GPR78: variants seen among roughly 807,000 people sequenced by gnomAD.
GPR78 encodes the protein G protein-coupled receptor 78.
In GPR78, 29 loss-of-function variants were observed where a neutral mutation model predicts 17.9. That is an observed-to-expected ratio of 1.62 (90% CI 1.20 to 2.21). GPR78 has a LOEUF of 2.21. Among genes scored for constraint, GPR78 ranks in the 30% most tolerant of loss-of-function variants. GPR78 has a pLI of 0.00. For missense variants in GPR78, 649 were observed against 530.5 expected (o/e 1.22, Z -2.19); for synonymous variants, 349 against 256.9 (o/e 1.36, Z -3.43).
chr4:8,587,825 C>A lies in GPR78; in HGVS notation c.*462C>A. 1 of 174,078 alleles carries A rather than the reference C, an allele frequency of 5.7e-6. No homozygotes were observed. Among genetic ancestry groups the A allele is most frequent in the Non-Finnish European group, 1.2e-5 (1 of 81,332 alleles). 10.8% of individuals were successfully genotyped at this position (174,078 alleles called of 1,614,324 possible). A position where few individuals can be genotyped will look rare whatever the true frequency, so the allele number is the denominator to read the frequency against. On this transcript the variant is annotated 3_prime_UTR_variant, in exon 3 of 3. Coordinates refer to ENST00000382487, the MANE Select transcript of GPR78 (RefSeq NM_080819.5). Reference sequence around the variant, plus strand: ...TATTAGCATTGTTCCGATTTGTTCTCGGCATTGCCCAGGTTTGGGAGATAA... The same window carrying A: ...TATTAGCATTGTTCCGATTTGTTCTAGGCATTGCCCAGGTTTGGGAGATAA...
Position 8,587,491 on chromosome 4 carries a change from C to A in GPR78, c.*128C>A. The A allele has an allele frequency of 1.1e-6, 1 of 897,820 alleles. No homozygotes were observed. The highest frequency in any genetic ancestry group is 1.7e-6 in the Non-Finnish European group (1 of 592,730). The allele number at this position is 897,820 out of a possible 1,614,324, so 55.6% of individuals were successfully genotyped here. On this transcript the variant is annotated 3_prime_UTR_variant, in exon 3 of 3. Coordinates refer to ENST00000382487, the MANE Select transcript of GPR78 (RefSeq NM_080819.5). ...TTGACTTTGAGCTAAGGCTGAAGTACAGGAGGAGGAGGAGGAGAGGGCCGG... is the reference window on the plus strand; with the variant it reads ...TTGACTTTGAGCTAAGGCTGAAGTAAAGGAGGAGGAGGAGGAGAGGGCCGG...
chr4:8,586,409 C>T (rs11734351), intron 2 of GPR78, among the ~76,000 whole-genome samples: 106,821 of 151,934 alleles, frequency 0.7, 40,978 homozygotes, highest in Non-Finnish European at 0.86. Flanking sequence ...AGTGATGCTT[C>T]GGGACAGTGG....
In GPR78 at chr4:8,581,371, C is replaced by T. The variant is rs1371080991; in HGVS notation, c.389C>T (p.Ala130Val). 1.3e-6 allele frequency: 2 copies of T among 1,582,124 alleles called. No individual in the cohort carries two copies. The highest frequency in any genetic ancestry group is 2.3e-5 in the East Asian group (1 of 44,400). ...TATGCCGGCCTGCTGCTGGGCTGTG[C>T]CTGGGGACAGTCGCTGGCCTTCTCA... ...PRYAGLLLGC[A>V]WGQSLAFSGA... is the part of the protein sequence containing the mutation. The change falls in exon 1 of 3, where the codon GCC (alanine) becomes GTC (valine). Residue 130 changes from alanine (A) to valine (V), a missense_variant. By Grantham distance (64) the Ala-to-Val change is moderately conservative. Coordinates refer to ENST00000382487, the MANE Select transcript of GPR78 (RefSeq NM_080819.5).
At chr4:8,586,986 C>T in intron 2 of GPR78, 68 bp from the exon 3 acceptor site, 3 of 1,380,890 alleles carry the variant, frequency 2.2e-6, no homozygotes, top group Admixed American at 1.7e-5. Flanking sequence ...TAGCACCTTC[C>T]CCCGGAGCGT....
chr4:8,581,988 C>T (rs1560280991), intron 1 of GPR78, among the ~76,000 whole-genome samples: 2 of 152,180 alleles, frequency 1.3e-5, no homozygotes, highest in African/African-American at 4.8e-5. Flanking sequence ...CTGCTTGTTT[C>T]TGCCCACTGC....
intron 2 of GPR78, among the ~76,000 whole-genome samples, chr4:8,584,955 A>C (rs192431949): frequency 1.3e-5 from 2 of 152,248 alleles, no homozygotes; most frequent in Admixed American, 1.3e-4. Context: ...TAGAAGGTGA[A>C]TTTAATCTGG....
In GPR78 at chr4:8,589,744, A is replaced by C. The variant is rs1713678171; in HGVS notation, c.*2381A>C. On this transcript the variant is annotated 3_prime_UTR_variant, in exon 3 of 3. Coordinates refer to ENST00000382487, the MANE Select transcript of GPR78 (RefSeq NM_080819.5). ...GCTGGAAGGCACCATGGTTAGAGGGAGGCACACTGTTTCTTAGAGACGGGG... is the reference window on the plus strand; with the variant it reads ...GCTGGAAGGCACCATGGTTAGAGGGCGGCACACTGTTTCTTAGAGACGGGG... 6.6e-6 allele frequency among the ~76,000 whole-genome samples: 1 copy of C among 152,158 alleles called. No individual in the cohort carries two copies. The highest frequency in any genetic ancestry group is 1.5e-5 in the Non-Finnish European group (1 of 68,020).
rs770041034 is a variant in GPR78 at position 8,581,097 on chromosome 4, C to G, written c.115C>G (p.Arg39Gly). The G allele has an allele frequency of 8.1e-6, 13 of 1,605,988 alleles. No homozygotes were observed. Among genetic ancestry groups the G allele is most frequent in the Non-Finnish European group, 1.0e-5 (12 of 1,179,478 alleles). Residue 39 changes from arginine (R) to glycine (G), a missense_variant, in exon 1 of 3, where the codon CGA (arginine) becomes GGA (glycine). By Grantham distance (125) the Arg-to-Gly change is moderately radical. Coordinates refer to ENST00000382487, the MANE Select transcript of GPR78 (RefSeq NM_080819.5). The part of the protein sequence containing the change: ...CCAYSAELRT[R>G]ASGVLLVNLS... The stretch of plus-strand genomic sequence containing the variant: ...CGCCTACAGCGCTGAGCTCCGCACT[C>G]GAGCCTCAGGCGTCCTCCTGGTGAA...
Position 8,587,241 on chromosome 4 carries a change from G to T in GPR78, c.970G>T (p.Asp324Tyr), listed in dbSNP as rs867075881. Residue 324 changes from aspartate (D) to tyrosine (Y), a missense_variant, in exon 3 of 3, where the codon GAC (aspartate) becomes TAC (tyrosine). Transcript: ENST00000382487. ...AACCCCGCGCCCAGCATCCACCCAT[G>T]ACAGCTCTCTGGATGTGGCCGGCAT... ...KRTPRPASTH[D>Y]SSLDVAGMVH... 1 of 1,605,966 alleles carries T rather than the reference G, an allele frequency of 6.2e-7. No homozygotes were observed. Among genetic ancestry groups the T allele is most frequent in the Non-Finnish European group, 8.5e-7 (1 of 1,174,662 alleles).
Position 8,588,136 on chromosome 4 carries a change from C to T in GPR78, c.*773C>T, listed in dbSNP as rs1331778244. ...GTGAAGATATCATCAGAGCATGTGA[C>T]CTCTGTTTCCTCCCCCTGAAGGCCA... On this transcript the variant is annotated 3_prime_UTR_variant, in exon 3 of 3. Coordinates refer to ENST00000382487, the MANE Select transcript of GPR78 (RefSeq NM_080819.5). 1.3e-5 allele frequency among the ~76,000 whole-genome samples: 2 copies of T among 152,216 alleles called. No homozygotes were observed. The highest frequency in any genetic ancestry group is 4.8e-5 in the African/African-American group (2 of 41,448).
rs1334032465 is a variant in GPR78 at position 8,580,950 on chromosome 4, G to A, written c.-33G>A. ...GCTCGCGCCCGAAGCAGAGCCATGA[G>A]AACCCCAGGGTGCCTGGCGAGCCGC... On this transcript the variant is annotated 5_prime_UTR_variant, in exon 1 of 3. Coordinates refer to ENST00000382487, the MANE Select transcript of GPR78 (RefSeq NM_080819.5). 2.0e-6 allele frequency: 3 copies of A among 1,499,462 alleles called. No individual in the cohort carries two copies. The highest frequency in any genetic ancestry group is 2.6e-5 in the South Asian group (2 of 76,482). 92.9% of individuals were successfully genotyped at this position (1,499,462 alleles called of 1,614,324 possible).
rs917912543 is a variant in GPR78, at chr4:8,587,371, G to A, written c.*8G>A. On this transcript the variant is annotated 3_prime_UTR_variant, in exon 3 of 3. Transcript: ENST00000382487. Reference sequence around the variant, plus strand: ...CTGCAGCAGACACACTGAGGGCCTGGCAGGGCTCATCGCCCCCACCTTCTA... The same window carrying A: ...CTGCAGCAGACACACTGAGGGCCTGACAGGGCTCATCGCCCCCACCTTCTA... The A allele has an allele frequency of 6.2e-7, 1 of 1,608,380 alleles. No individual in the cohort carries two copies. Among genetic ancestry groups the A allele is most frequent in the African/African-American group, 1.3e-5 (1 of 74,856 alleles).
chr4:8,581,706 G>A, intron 1 of GPR78, 56 bp downstream of exon 1: 1 of 1,346,984 alleles, frequency 7.4e-7, no homozygotes. Context: ...CGCTCCCTGG[G>A]CAGTTGGCTT....
rs1201898315 is a variant in GPR78, at chr4:8,589,111, T to C, written c.*1748T>C. Reference sequence around the variant, plus strand: ...GTCTTGAATTCCTGAGCTTAAGTGATCCTCCCACCTCAGCCTCCCAAAGTG... The same window carrying C: ...GTCTTGAATTCCTGAGCTTAAGTGACCCTCCCACCTCAGCCTCCCAAAGTG... On this transcript the variant is annotated 3_prime_UTR_variant, in exon 3 of 3. Transcript: ENST00000382487. Among the ~76,000 whole-genome samples, 1 of 151,772 alleles carries C rather than the reference T, an allele frequency of 6.6e-6. No homozygotes were observed. Among genetic ancestry groups the C allele is most frequent in the Admixed American group, 6.6e-5 (1 of 15,246 alleles).
rs1265016102 is a variant in GPR78, at chr4:8,588,402, CA to C, written c.*1040del. Among the ~76,000 whole-genome samples, 5 of 152,252 alleles carry C rather than the reference CA, an allele frequency of 3.3e-5. No homozygotes were observed. The highest frequency in any genetic ancestry group is 1.2e-4 in the African/African-American group (5 of 41,474). ...CACCATCAATGTCATTGAATGTCCC[CA>C]TGGGACAGTGTTGAGGACTTTTGTG... On this transcript the variant is annotated 3_prime_UTR_variant, in exon 3 of 3. Coordinates refer to ENST00000382487, the MANE Select transcript of GPR78 (RefSeq NM_080819.5).
At position 8,581,338 on chromosome 4, in the gene GPR78, G is replaced by T; in HGVS notation, c.356G>T (p.Arg119Leu). 6.3e-7 allele frequency: 1 copy of T among 1,577,234 alleles called. No homozygotes were observed. The highest frequency in any genetic ancestry group is 1.1e-5 in the South Asian group (1 of 87,988). Residue 119 changes from arginine to leucine, a missense_variant, in exon 1 of 3, where the codon CGA becomes CTA. Physicochemically the swap from Arg to Leu is moderately radical, Grantham distance 102. Transcript: ENST00000382487. ...CCACTGCGCTACGCCGGACGCCTGC[G>T]ACCGCGCTATGCCGGCCTGCTGCTG... ...GFPLRYAGRL[R>L]PRYAGLLLGC...
In GPR78 at chr4:8,587,157, C is replaced by G; in HGVS notation, c.886C>G (p.Leu296Val). Residue 296 changes from leucine to valine, a missense_variant, in exon 3 of 3, where the codon CTG (leucine) becomes GTG (valine). Physicochemically the swap from Leu to Val is conservative, Grantham distance 32. Transcript: ENST00000382487. ...GGTGGCCGACCCGTTCACGTACTCT[C>G]TGCTCCGCCGGCCGTTCCGCCAAGT... Reference protein sequence around the residue: ...KAVADPFTYSLLRRPFRQVLA... With the variant: ...KAVADPFTYSVLRRPFRQVLA... The G allele has an allele frequency of 6.2e-7, 1 of 1,613,310 alleles. No homozygotes were observed. The highest frequency in any genetic ancestry group is 2.2e-5 in the East Asian group (1 of 44,882).
chr4:8,584,680 G>A lies in GPR78; in HGVS notation c.782+2036G>A, dbSNP rs536389544. 9.9e-4 allele frequency among the ~76,000 whole-genome samples: 151 copies of A among 152,306 alleles called. 1 individual carries two copies. Among genetic ancestry groups the A allele is most frequent in the Admixed American group, 1.9e-3 (29 of 15,302 alleles). ...GCAGCACAGCTGGACCAGTTTGGACGGACCTGCCTCACAGGCGCCTCTCAC... is the reference window on the plus strand; with the variant it reads ...GCAGCACAGCTGGACCAGTTTGGACAGACCTGCCTCACAGGCGCCTCTCAC... On this transcript the variant is annotated intron_variant, in intron 2 of 2. Transcript: ENST00000382487.
rs912165147 is a variant in GPR78 at position 8,581,534 on chromosome 4, G to A, written c.552G>A (p.Pro184=). 1.9e-6 allele frequency: 3 copies of A among 1,587,232 alleles called. No individual in the cohort carries two copies. The highest frequency in any genetic ancestry group is 1.1e-5 in the South Asian group (1 of 88,388). Residue 184 remains proline (P), a synonymous_variant, in exon 1 of 3, where the codon CCG becomes CCA. Coordinates refer to ENST00000382487, the MANE Select transcript of GPR78 (RefSeq NM_080819.5). ...TCCATGCCGTGGGCTTCGTGCTGCC[G>A]CTGGCGGTGCTCTGCCTCACCTCGC... The part of the protein sequence containing the change: ...ATLHAVGFVL[P]LAVLCLTSLQ...
Sources: gnomAD v4.1 joint callset for allele counts (sites outside exome capture counted in the v4.1 genomes callset) on GRCh38, gnomAD v4.1.1 for gene constraint, MANE v1.5 for transcripts, NCBI Gene and HGNC (gene_info 2026-07-23, HGNC 2026-07-21) for gene names.